Variants in ARK2N observed in about 807,000 individuals in gnomAD.
ARK2N encodes arkadia (RNF111) N-terminal like PKA signaling regulator 2N.
the ARK2N span, among the ~76,000 whole-genome samples, chr18:46,181,964 T>C: frequency 1.1e-4 from 16 of 152,284 alleles, no homozygotes; most frequent in Admixed American, 5.9e-4. Flanking sequence ...CTGACCAAAG[T>C]GACCAGTAGA....
the ARK2N span, among the ~76,000 whole-genome samples, chr18:46,207,645 C>T: frequency 6.6e-6 from 1 of 152,272 alleles, no homozygotes; most frequent in South Asian, 2.1e-4. Context: ...GCCTTGGTGT[C>T]CCAAAGTGCT....
At chr18:46,189,212 C>CAAAAAAAAAAAAA in the ARK2N span, among the ~76,000 whole-genome samples, 7 of 86,904 alleles carry the variant, frequency 8.1e-5, no homozygotes, top group African/African-American at 3.4e-4. Context: ...GAGACTGTCT[C>CAAAAAAAAAAAAA]AAAAAAAAAA....
At chr18:46,180,999 C>A in the ARK2N span, among the ~76,000 whole-genome samples, 64 of 152,130 alleles carry the variant, frequency 4.2e-4, 1 homozygote, top group Admixed American at 1.6e-3. Context: ...TGGTAACTCA[C>A]GCCTGTAATC....
chr18:46,216,136 G>A, the ARK2N span: 1 of 1,614,070 alleles, frequency 6.2e-7, no homozygotes, highest in South Asian at 1.1e-5. The surrounding 1 kb of genome is among the most constrained non-coding windows in gnomAD (Gnocchi z 4.3). Flanking sequence ...CCGAGTTTAT[G>A]AGAGTGACTC....
the ARK2N span, chr18:46,264,735 C>CTTTTTTTTTTTT: frequency 7.5e-6 from 1 of 133,236 alleles, no homozygotes; most frequent in African/African-American, 2.8e-5. Flanking sequence ...TCATCTTCTT[C>CTTTTTTTTTTTT]TTTTTTTTTT....
At chr18:46,226,699 A>G in the ARK2N span, among the ~76,000 whole-genome samples, 1 of 152,158 alleles carries the variant, frequency 6.6e-6, no homozygotes, top group Non-Finnish European at 1.5e-5. Flanking sequence ...AAAGATTTCT[A>G]GTAATACTGT....
chr18:46,266,676 C>T, the ARK2N span: 1 of 152,622 alleles, frequency 6.6e-6, no homozygotes, highest in East Asian at 1.9e-4. Flanking sequence ...GGAACCAATG[C>T]ACTTGGCAGT....
the ARK2N span, among the ~76,000 whole-genome samples, chr18:46,239,155 C>T: frequency 4.6e-5 from 7 of 152,104 alleles, no homozygotes; most frequent in Non-Finnish European, 1.0e-4. Flanking sequence ...TGAATATTGA[C>T]TTATTTTAGC....
the ARK2N span, among the ~76,000 whole-genome samples, chr18:46,212,990 ATTTTTTTTTTTTT>A: frequency 1.2e-4 from 10 of 80,520 alleles, no homozygotes; most frequent in South Asian, 9.8e-4. Context: ...TTTAAGAAGA[ATTTTTTTTTTTTT>A]TTTTTTTTTT....
At chr18:46,196,076 G>C in the ARK2N span, among the ~76,000 whole-genome samples, 1 of 151,936 alleles carries the variant, frequency 6.6e-6, no homozygotes, top group African/African-American at 2.4e-5. Flanking sequence ...TGCCTCCCGG[G>C]TTCAAGCGAT....
the ARK2N span, among the ~76,000 whole-genome samples, chr18:46,177,340 GA>G: frequency 2.8e-4 from 42 of 151,976 alleles, no homozygotes; most frequent in South Asian, 3.7e-3. Context: ...AGGATCAGTT[GA>G]ACTCAGGAGT....
At chr18:46,239,640 A>G in the ARK2N span, among the ~76,000 whole-genome samples, 2 of 151,996 alleles carry the variant, frequency 1.3e-5, no homozygotes, top group African/African-American at 2.4e-5. Context: ...GGTTTTAATA[A>G]TTTGCATCAG....
the ARK2N span, among the ~76,000 whole-genome samples, chr18:46,189,879 G>T: frequency 6.6e-6 from 1 of 152,082 alleles, no homozygotes; most frequent in African/African-American, 2.4e-5. Context: ...AGGAAAAAAA[G>T]AAAACCTTAT....
At chr18:46,239,887 A>G in the ARK2N span, 1 of 905,786 alleles carries the variant, frequency 1.1e-6, no homozygotes, top group Non-Finnish European at 1.7e-6. Context: ...TATAAAGTGC[A>G]GCTTTTCTGA....
chr18:46,254,256 C>T, the ARK2N span, among the ~76,000 whole-genome samples: 1 of 152,146 alleles, frequency 6.6e-6, no homozygotes, highest in Non-Finnish European at 1.5e-5. Context: ...CCTAGAGCAA[C>T]TCTCCTTGTC....
chr18:46,211,353 A>G, the ARK2N span, among the ~76,000 whole-genome samples: 1 of 152,138 alleles, frequency 6.6e-6, no homozygotes, highest in African/African-American at 2.4e-5. Context: ...GAACCACAGC[A>G]TGTGCCACCA....
chr18:46,212,866 T>G, the ARK2N span, among the ~76,000 whole-genome samples: 2 of 152,158 alleles, frequency 1.3e-5, no homozygotes, highest in Non-Finnish European at 2.9e-5. Context: ...GATGCTGTAT[T>G]ATGTACTTTG....
At chr18:46,223,602 T>C in the ARK2N span, among the ~76,000 whole-genome samples, 11 of 152,308 alleles carry the variant, frequency 7.2e-5, no homozygotes, top group African/African-American at 2.4e-4. Context: ...TTTCACAAAT[T>C]AGTTTAACAA....
chr18:46,255,435 CTTTTCTTTTCTTTTT>C, the ARK2N span, among the ~76,000 whole-genome samples: 1 of 117,190 alleles, frequency 8.5e-6, no homozygotes, highest in African/African-American at 3.4e-5. Flanking sequence ...CTTTGCTTTT[CTTTTCTTTTCTTTTT>C]TTTTTTTTTT....
Sources: allele counts gnomAD v4.1 joint callset (sites outside exome capture counted in the v4.1 genomes callset), GRCh38; gene constraint gnomAD v4.1.1; non-coding constraint Gnocchi (gnomAD v3.1); transcripts MANE v1.5; gene names NCBI Gene and HGNC (gene_info 2026-07-23, HGNC 2026-07-21).